The following MAGEH1 variants were observed in gnomAD, a reference collection of about 807,000 sequenced individuals.
The protein encoded by MAGEH1 is melanoma-associated antigen H1.
For missense variants in MAGEH1, 152 were observed against 183.0 expected (o/e 0.83, Z 0.98); for synonymous variants, 79 against 70.3 (o/e 1.12, Z -0.62).
chrX:55,452,158 C>G lies in MAGEH1; in HGVS notation c.-217C>G, dbSNP rs1332779828. 6.2e-6 allele frequency: 2 copies of G among 320,959 alleles called. No homozygotes were observed. The highest frequency in any genetic ancestry group is 5.5e-5 in the African/African-American group (2 of 36,520). The allele number at this position is 320,959 out of a possible 1,213,427, so 26.5% of individuals were successfully genotyped here. A position where few individuals can be genotyped will look rare whatever the true frequency, so the allele number is the denominator to read the frequency against. On this transcript the variant is annotated 5_prime_UTR_variant, in exon 1 of 1. Coordinates refer to ENST00000342972, the MANE Select transcript of MAGEH1 (RefSeq NM_014061.5). ...GCTGAGCTTTCTCGCGGGCTTGCAGCTGCGGCAAGTGCTGGCGGCGGCTGC... is the reference window on the plus strand; with the variant it reads ...GCTGAGCTTTCTCGCGGGCTTGCAGGTGCGGCAAGTGCTGGCGGCGGCTGC...
rs372274274 is a variant in MAGEH1, at chrX:55,452,925, G to A, written c.551G>A (p.Arg184His). ...GTCATGCATTTTGTGGCAAGGGTTC[G>A]TAACCGATGCTCTAAAGACTGGCCT... ...LKVMHFVARV[R>H]NRCSKDWPCN... Residue 184 changes from arginine (R) to histidine (H), a missense_variant, in exon 1 of 1, where the codon CGT becomes CAT. Physicochemically the swap from Arg to His is conservative, Grantham distance 29. Transcript: ENST00000342972. The A allele has an allele frequency of 9.1e-6, 11 of 1,211,618 alleles. No individual in the cohort carries two copies. Among genetic ancestry groups the A allele is most frequent in the Non-Finnish European group, 1.1e-5 (10 of 895,469 alleles).
chrX:55,453,060 G>A lies in MAGEH1; in HGVS notation c.*26G>A, dbSNP rs770581261. ...GTAGATCTGAGGCAGACCCTTGGGG[G>A]TGTAAAAGAGAGTCACAGGTACCCC... On this transcript the variant is annotated 3_prime_UTR_variant, in exon 1 of 1. Transcript: ENST00000342972. 2 of 1,177,007 alleles carry A rather than the reference G, an allele frequency of 1.7e-6. No individual in the cohort carries two copies. The highest frequency in any genetic ancestry group is 2.3e-6 in the Non-Finnish European group (2 of 874,241).
rs2031184455 is a variant in MAGEH1 at position 55,452,147 on chromosome X, C to T, written c.-228C>T. 3.2e-6 allele frequency: 1 copy of T among 312,960 alleles called. No individual in the cohort carries two copies. The highest frequency in any genetic ancestry group is 5.7e-5 in the Admixed American group (1 of 17,478). 25.8% of individuals were successfully genotyped at this position (312,960 alleles called of 1,213,427 possible). A position where few individuals can be genotyped will look rare whatever the true frequency, so the allele number is the denominator to read the frequency against. ...GGGCCAATTTTGCTGAGCTTTCTCGCGGGCTTGCAGCTGCGGCAAGTGCTG... is the reference window on the plus strand; with the variant it reads ...GGGCCAATTTTGCTGAGCTTTCTCGTGGGCTTGCAGCTGCGGCAAGTGCTG... On this transcript the variant is annotated 5_prime_UTR_variant, in exon 1 of 1. Coordinates refer to ENST00000342972, the MANE Select transcript of MAGEH1 (RefSeq NM_014061.5).
Position 55,453,086 on chromosome X carries a change from A to T in MAGEH1, c.*52A>T, listed in dbSNP as rs1487269276. ...TGTAAAAGAGAGTCACAGGTACCCC[A>T]AGGAGTAGATGCCAGGGTCCTAAGT... On this transcript the variant is annotated 3_prime_UTR_variant, in exon 1 of 1. Transcript: ENST00000342972. 2.7e-6 allele frequency: 3 copies of T among 1,097,748 alleles called. No homozygotes were observed. Among genetic ancestry groups the T allele is most frequent in the Non-Finnish European group, 3.7e-6 (3 of 810,722 alleles). 90.5% of individuals were successfully genotyped at this position (1,097,748 alleles called of 1,213,427 possible).
chrX:55,452,395 T>G lies in MAGEH1; in HGVS notation c.21T>G (p.Ser7Arg). The change falls in exon 1 of 1, where the codon AGT (serine) becomes AGG (arginine). Residue 7 changes from serine to arginine, a missense_variant. Ser to Arg is a moderately radical substitution (Grantham distance 110, BLOSUM62 -1). Coordinates refer to ENST00000342972, the MANE Select transcript of MAGEH1 (RefSeq NM_014061.5). MPRGRK[S>R]RRRRNARAAE... The stretch of plus-strand genomic sequence containing the variant: ...GAGACATGCCTCGGGGACGAAAGAG[T>G]CGGCGCCGCCGTAATGCGAGAGCCG... 1.7e-6 allele frequency: 2 copies of G among 1,145,941 alleles called. No homozygotes were observed. The highest frequency in any genetic ancestry group is 2.3e-6 in the Non-Finnish European group (2 of 866,501). The allele number at this position is 1,145,941 out of a possible 1,213,427, so 94.4% of individuals were successfully genotyped here.
chrX:55,452,220 A>G lies in MAGEH1; in HGVS notation c.-155A>G. 1 of 440,292 alleles carries G rather than the reference A, an allele frequency of 2.3e-6. No individual in the cohort carries two copies. Among genetic ancestry groups the G allele is most frequent in the Non-Finnish European group, 3.5e-6 (1 of 284,602 alleles). 36.3% of individuals were successfully genotyped at this position (440,292 alleles called of 1,213,427 possible). A position where few individuals can be genotyped will look rare whatever the true frequency, so the allele number is the denominator to read the frequency against. ...AGCTGGCGTGGGAACTACCCTTTGT[A>G]GCTGAGAACGGCTTGTTTATTGCTA... is the stretch of plus-strand genomic sequence containing the variant. On this transcript the variant is annotated 5_prime_UTR_variant, in exon 1 of 1. Transcript: ENST00000342972.
rs867584429 is a variant in MAGEH1, at chrX:55,452,442, G to A, written c.68G>A (p.Arg23His). The change falls in exon 1 of 1, where the codon CGC becomes CAC. Residue 23 changes from arginine (R) to histidine (H), a missense_variant. Physicochemically the swap from Arg to His is conservative, Grantham distance 29 (BLOSUM62 0). Transcript: ENST00000342972. Reference protein sequence around the residue: ...ARAAEENRNNRKIQASEASET... With the variant: ...ARAAEENRNNHKIQASEASET... ...GCCGCAGAAGAGAACCGCAACAATC[G>A]CAAAATCCAGGCCTCAGAGGCCTCC... 1 of 1,182,607 alleles carries A rather than the reference G, an allele frequency of 8.5e-7. No individual in the cohort carries two copies. Among genetic ancestry groups the A allele is most frequent in the East Asian group, 3.0e-5 (1 of 33,485 alleles).
rs1467787832 is a variant in MAGEH1 at position 55,452,665 on chromosome X, G to A, written c.291G>A (p.Ala97=). Residue 97 remains alanine (A), a synonymous_variant, in exon 1 of 1, where the codon GCG becomes GCA. Transcript: ENST00000342972. ...TKKSLLMSIL[A]LIFIMGNSAK... ...AAAGTCTCCTGATGTCTATATTAGC[G>A]CTCATCTTCATCATGGGCAACAGCG... The A allele has an allele frequency of 8.3e-7, 1 of 1,211,697 alleles. No individual in the cohort carries two copies. Among genetic ancestry groups the A allele is most frequent in the Non-Finnish European group, 1.1e-6 (1 of 895,527 alleles).
chrX:55,452,144 T>C lies in MAGEH1; in HGVS notation c.-231T>C. The C allele has an allele frequency of 9.5e-6, 3 of 315,790 alleles. No individual in the cohort carries two copies. The allele number at this position is 315,790 out of a possible 1,213,427, so 26.0% of individuals were successfully genotyped here. A position where few individuals can be genotyped will look rare whatever the true frequency, so the allele number is the denominator to read the frequency against. ...GCGGGGCCAATTTTGCTGAGCTTTC[T>C]CGCGGGCTTGCAGCTGCGGCAAGTG... On this transcript the variant is annotated 5_prime_UTR_variant, in exon 1 of 1. Coordinates refer to ENST00000342972, the MANE Select transcript of MAGEH1 (RefSeq NM_014061.5).
rs142873199 is a variant in MAGEH1, at chrX:55,452,464, C to T, written c.90C>T (p.Ala30=). The change falls in exon 1 of 1, where the codon GCC becomes GCT. Residue 30 remains alanine, a synonymous_variant. Transcript: ENST00000342972. ...RNNRKIQASE[A]SETPMAASVV... is the part of the protein sequence containing the mutation. ...ATCGCAAAATCCAGGCCTCAGAGGCCTCCGAGACCCCTATGGCCGCCTCTG... is the reference window on the plus strand; with the variant it reads ...ATCGCAAAATCCAGGCCTCAGAGGCTTCCGAGACCCCTATGGCCGCCTCTG... The T allele has an allele frequency of 2.7e-5, 32 of 1,201,086 alleles. No homozygotes were observed. In the African/African-American group the frequency reaches 5.2e-4, roughly 19 times the overall value.
chrX:55,452,673 T>A lies in MAGEH1; in HGVS notation c.299T>A (p.Phe100Tyr), dbSNP rs749536124. ...SLLMSILALI[F>Y]IMGNSAKEAL... ...CTGATGTCTATATTAGCGCTCATCTTCATCATGGGCAACAGCGCCAAGGAA... is the reference window on the plus strand; with the variant it reads ...CTGATGTCTATATTAGCGCTCATCTACATCATGGGCAACAGCGCCAAGGAA... The change falls in exon 1 of 1, where the codon TTC becomes TAC. Residue 100 changes from phenylalanine to tyrosine, a missense_variant. Phe to Tyr is a conservative substitution (Grantham distance 22). Transcript: ENST00000342972. 8.3e-7 allele frequency: 1 copy of A among 1,209,943 alleles called. No individual in the cohort carries two copies. Among genetic ancestry groups the A allele is most frequent in the Admixed American group, 2.2e-5 (1 of 45,768 alleles).
rs773960239 is a variant in MAGEH1, at chrX:55,453,081, A to AC, written c.*51dup. ...GGGGGTGTAAAAGAGAGTCACAGGT[A>AC]CCCCAAGGAGTAGATGCCAGGGTCC... On this transcript the variant is annotated 3_prime_UTR_variant, in exon 1 of 1. Transcript: ENST00000342972. 15 of 1,120,107 alleles carry AC rather than the reference A, an allele frequency of 1.3e-5. No homozygotes were observed. The South Asian group carries it at 2.9e-4, about 21-fold the overall frequency. The allele number at this position is 1,120,107 out of a possible 1,213,427, so 92.3% of individuals were successfully genotyped here.
At position 55,452,398 on chromosome X, in the gene MAGEH1, G is replaced by GCGC; in HGVS notation, c.30_32dup (p.Arg11dup). 1 of 1,159,390 alleles carries GCGC rather than the reference G, an allele frequency of 8.6e-7. No homozygotes were observed. The highest frequency in any genetic ancestry group is 1.1e-6 in the Non-Finnish European group (1 of 872,885). On this transcript the variant is annotated inframe_insertion, in exon 1 of 1. Transcript: ENST00000342972. ...ACATGCCTCGGGGACGAAAGAGTCG[G>GCGC]CGCCGCCGTAATGCGAGAGCCGCAG... is the stretch of plus-strand genomic sequence containing the variant.
rs1054219909 is a variant in MAGEH1, at chrX:55,452,749, G to A, written c.375G>A (p.Gln125=). The change falls in exon 1 of 1, where the codon CAG becomes CAA. Residue 125 remains glutamine (Q), a synonymous_variant. Coordinates refer to ENST00000342972, the MANE Select transcript of MAGEH1 (RefSeq NM_014061.5). ...AGTTAGGAATGCAGCCTGGACGTCA[G>A]CACAGCATCTTTGGAGATCCGAAGA... The part of the protein sequence containing the change: ...LGKLGMQPGR[Q]HSIFGDPKKI... The A allele has an allele frequency of 1.7e-6, 2 of 1,211,904 alleles. No homozygotes were observed. The highest frequency in any genetic ancestry group is 3.0e-5 in the East Asian group (1 of 33,848).
Position 55,453,193 on chromosome X carries a change from T to TC in MAGEH1, c.*159_*160insC, listed in dbSNP as rs1235548550. 2.4e-6 allele frequency: 1 copy of TC among 416,792 alleles called. No individual in the cohort carries two copies. The highest frequency in any genetic ancestry group is 4.0e-6 in the Non-Finnish European group (1 of 249,310). 34.3% of individuals were successfully genotyped at this position (416,792 alleles called of 1,213,427 possible). A position where few individuals can be genotyped will look rare whatever the true frequency, so the allele number is the denominator to read the frequency against. On this transcript the variant is annotated 3_prime_UTR_variant, in exon 1 of 1. Transcript: ENST00000342972. ...ATCATTGTTCAACTGCGAAATAGAG[T>TC]GTTTGCTTTTGATAATGGAAAATTG...
chrX:55,453,385 G>C lies in MAGEH1; in HGVS notation c.*351G>C, dbSNP rs2031209023. ...TCTATGATCTTGTACAGCACTTATAGAAATAAGCTGTTCTTTTGAAGTTGA... is the reference window on the plus strand; with the variant it reads ...TCTATGATCTTGTACAGCACTTATACAAATAAGCTGTTCTTTTGAAGTTGA... On this transcript the variant is annotated 3_prime_UTR_variant, in exon 1 of 1. Transcript: ENST00000342972. 1 of 166,155 alleles carries C rather than the reference G, an allele frequency of 6.0e-6. No homozygotes were observed. The highest frequency in any genetic ancestry group is 3.1e-5 in the African/African-American group (1 of 32,485). 13.7% of individuals were successfully genotyped at this position (166,155 alleles called of 1,213,427 possible). A position where few individuals can be genotyped will look rare whatever the true frequency, so the allele number is the denominator to read the frequency against.
At position 55,452,957 on chromosome X, in the gene MAGEH1, T is replaced by C. The variant is rs1287933663; in HGVS notation, c.583T>C (p.Tyr195His). 1 of 1,211,306 alleles carries C rather than the reference T, an allele frequency of 8.3e-7. No individual in the cohort carries two copies. The highest frequency in any genetic ancestry group is 1.1e-6 in the Non-Finnish European group (1 of 895,346). ...NRCSKDWPCN[Y>H]DWDSDDDAEV... ...ATGCTCTAAAGACTGGCCTTGTAATTATGACTGGGATTCGGACGATGATGC... is the reference window on the plus strand; with the variant it reads ...ATGCTCTAAAGACTGGCCTTGTAATCATGACTGGGATTCGGACGATGATGC... Residue 195 changes from tyrosine to histidine, a missense_variant, in exon 1 of 1, where the codon TAT becomes CAT. Tyr to His is a moderately conservative substitution (Grantham distance 83). Coordinates refer to ENST00000342972, the MANE Select transcript of MAGEH1 (RefSeq NM_014061.5).
chrX:55,452,541 G>T lies in MAGEH1; in HGVS notation c.167G>T (p.Ser56Ile). 1 of 1,208,706 alleles carries T rather than the reference G, an allele frequency of 8.3e-7. No individual in the cohort carries two copies. The highest frequency in any genetic ancestry group is 1.1e-6 in the Non-Finnish European group (1 of 894,467). ...CTGAGCGGCCCCGAGGAAGACCCGA[G>T]CACTCCAGAGGAGGCCTCTACCACC... ...DDLSGPEEDP[S>I]TPEEASTTPE... Residue 56 changes from serine to isoleucine, a missense_variant, in exon 1 of 1, where the codon AGC (serine) becomes ATC (isoleucine). Ser to Ile is a moderately radical substitution (Grantham distance 142). Transcript: ENST00000342972.
chrX:55,453,260 T>G lies in MAGEH1; in HGVS notation c.*226T>G, dbSNP rs2031206835. 3 of 375,769 alleles carry G rather than the reference T, an allele frequency of 8.0e-6. No homozygotes were observed. The Admixed American group carries it at 1.5e-4, about 19-fold the overall frequency. The allele number at this position is 375,769 out of a possible 1,213,427, so 31.0% of individuals were successfully genotyped here. ...CCGTTTGTTGAGAATAACAATATGTTTAAAAATATAATTGAACAAATTTTT... is the reference window on the plus strand; with the variant it reads ...CCGTTTGTTGAGAATAACAATATGTGTAAAAATATAATTGAACAAATTTTT... On this transcript the variant is annotated 3_prime_UTR_variant, in exon 1 of 1. Transcript: ENST00000342972.
Sources: gnomAD v4.1 joint callset for allele counts on GRCh38, gnomAD v4.1.1 for gene constraint, MANE v1.5 for transcripts, NCBI Gene and HGNC (gene_info 2026-07-23, HGNC 2026-07-21) for gene names.